SRFBP1: variants seen among roughly 807,000 people sequenced by gnomAD.
The protein encoded by SRFBP1 is serum response factor-binding protein 1.
Under a neutral mutation model 45.5 loss-of-function variants are expected in SRFBP1, and 47 were observed. That is an observed-to-expected ratio of 1.03 (90% CI 0.82 to 1.32). The LOEUF (loss-of-function observed/expected upper bound fraction) is 1.32, where lower values mean the gene tolerates loss of function less well. Among genes scored for constraint, SRFBP1 ranks in the 40% most tolerant of loss-of-function variants. The pLI, the probability that SRFBP1 is intolerant of heterozygous loss-of-function variation, is 0.00. For missense variants in SRFBP1, 621 were observed against 484.6 expected (o/e 1.28, Z -2.64); for synonymous variants, 203 against 166.3 (o/e 1.22, Z -1.70).
At chr5:122,077,731 C>G, downstream of SRFBP1, 1 of 1,577,000 alleles carries the variant, frequency 6.3e-7, no homozygotes, top group Non-Finnish European at 8.6e-7. This position sits in a 1 kb window ranked among gnomAD's most constrained non-coding sequence, Gnocchi z 4.9. Context: ...TGCGGGGCTG[C>G]TGGGCGGAGG....
chr5:121,962,127 A>T, intron 1 of SRFBP1, 59 bp downstream of exon 1: 2 of 1,605,794 alleles, frequency 1.2e-6, no homozygotes, highest in Non-Finnish European at 1.7e-6. Context: ...AGCTCTTTTG[A>T]GACGCGTGGT....
intron 3 of SRFBP1, among the ~76,000 whole-genome samples, chr5:121,975,946 G>A (rs1752294133): frequency 6.6e-6 from 1 of 151,474 alleles, no homozygotes; most frequent in South Asian, 2.1e-4. Context: ...CTTACTTTGA[G>A]GAAACTTTCA....
intron 2 of SRFBP1, among the ~76,000 whole-genome samples, chr5:122,046,091 C>T (rs1169820925): frequency 6.6e-6 from 1 of 151,974 alleles, no homozygotes; most frequent in Admixed American, 6.6e-5. Flanking sequence ...TACATGTGCA[C>T]AACATGCAGG....
At chr5:122,004,553 C>G (rs1752940751) in intron 4 of SRFBP1, among the ~76,000 whole-genome samples, 1 of 151,734 alleles carries the variant, frequency 6.6e-6, no homozygotes, top group Non-Finnish European at 1.5e-5. Flanking sequence ...TTATTTGAGT[C>G]TTCTCATTTT....
At position 122,022,403 on chromosome 5, in the gene SRFBP1, C is replaced by G. The variant is rs1753376782; in HGVS notation, c.1101C>G (p.Ser367=). 6.2e-7 allele frequency: 1 copy of G among 1,610,942 alleles called. No individual in the cohort carries two copies. Among genetic ancestry groups the G allele is most frequent in the African/African-American group, 1.3e-5 (1 of 74,788 alleles). ...NFKEQAPKTR[S]LDFPQNEPQI... is the part of the protein sequence containing the mutation. ...AAGAACAGGCTCCAAAAACAAGATC[C>G]CTAGGTATGTATTCATAGTTGCCTG... The change falls in exon 7 of 8, where the codon TCC becomes TCG. Residue 367 remains serine, a synonymous_variant. Coordinates refer to ENST00000339397, the MANE Select transcript of SRFBP1 (RefSeq NM_152546.3).
intron 2 of SRFBP1, among the ~76,000 whole-genome samples, chr5:122,039,335 G>A (rs1753737847): frequency 6.6e-6 from 1 of 152,132 alleles, no homozygotes; most frequent in Non-Finnish European, 1.5e-5. Flanking sequence ...GTAACTGGAT[G>A]GAACTTTGAA....
At chr5:122,066,383 C>G (rs184683502) in intron 2 of SRFBP1, 1 of 202,060 alleles carries the variant, frequency 4.9e-6, no homozygotes, top group Admixed American at 5.6e-5. Context: ...AGTTTCAGTT[C>G]AAAGTCATTT....
At chr5:122,021,547 G>C (rs574937884) in intron 6 of SRFBP1, among the ~76,000 whole-genome samples, 1 of 151,922 alleles carries the variant, frequency 6.6e-6, no homozygotes, top group African/African-American at 2.4e-5. Flanking sequence ...ACATAAAAAC[G>C]TGTGGAGTGT....
chr5:121,994,625 A>G lies in SRFBP1; in HGVS notation c.225A>G (p.Lys75=), dbSNP rs755273251. 6 of 1,598,606 alleles carry G rather than the reference A, an allele frequency of 3.8e-6. No homozygotes were observed. The highest frequency in any genetic ancestry group is 5.1e-6 in the Non-Finnish European group (6 of 1,173,776). The change falls in exon 4 of 8, where the codon AAA becomes AAG. Residue 75 remains lysine (K), a synonymous_variant. Coordinates refer to ENST00000339397, the MANE Select transcript of SRFBP1 (RefSeq NM_152546.3). ...MKELKPDIVT[K]SALGDDINFE... ...AATTGAAACCTGACATAGTAACTAA[A>G]TCTGCTCTTGGTGATGATATCAACT...
At chr5:121,966,882 C>T (rs908291043) in intron 1 of SRFBP1, among the ~76,000 whole-genome samples, 5 of 151,264 alleles carry the variant, frequency 3.3e-5, no homozygotes, top group Non-Finnish European at 5.9e-5. Context: ...TGGGTTCACG[C>T]CATTCTTCTG....
At chr5:122,059,059 T>C (rs1486058895) in intron 2 of SRFBP1, among the ~76,000 whole-genome samples, 1 of 152,108 alleles carries the variant, frequency 6.6e-6, no homozygotes, top group East Asian at 1.9e-4. Flanking sequence ...TCCCCTGTAG[T>C]TAAATTGTGA....
chr5:122,038,794 T>C (rs1363932692), intron 2 of SRFBP1, among the ~76,000 whole-genome samples: 2 of 152,216 alleles, frequency 1.3e-5, no homozygotes, highest in Admixed American at 6.5e-5. Context: ...TTTGCCTGTT[T>C]TTGGTGCCAA....
intron 2 of SRFBP1, chr5:122,066,449 A>C (rs1230509390): frequency 2.9e-6 from 1 of 341,364 alleles, no homozygotes; most frequent in Non-Finnish European, 5.4e-6. Context: ...CAAAAGGAAC[A>C]TGAGAAATTT....
chr5:121,999,535 A>G (rs949506072), intron 4 of SRFBP1, among the ~76,000 whole-genome samples: 2 of 152,072 alleles, frequency 1.3e-5, no homozygotes, highest in Non-Finnish European at 1.5e-5. Flanking sequence ...ATTAAGAGGT[A>G]CGTTGGAACC....
intron 2 of SRFBP1, among the ~76,000 whole-genome samples, chr5:122,036,019 T>C (rs1328340413): frequency 2.0e-5 from 3 of 152,148 alleles, no homozygotes; most frequent in African/African-American, 7.2e-5. Flanking sequence ...GTTTTCCCCA[T>C]AGGACTTGGG....
chr5:122,018,547 G>GA (rs1325499336), intron 4 of SRFBP1, among the ~76,000 whole-genome samples: 1 of 152,126 alleles, frequency 6.6e-6, no homozygotes, highest in African/African-American at 2.4e-5. Context: ...GATTTGTGAG[G>GA]AAAAATCAAA....
rs75660156 is a variant in SRFBP1 at position 122,037,712 on chromosome 5, G to A, written n.311+15305G>A. On this transcript the variant is annotated intron_variant and non_coding_transcript_variant, in intron 2 of 2. Coordinates refer to the SRFBP1 transcript ENST00000504881. ...TTTGGTAGAGATGGAGCCTCACCAC[G>A]TTGCCACGTCGCCCAGGCTGATCTC... Among the ~76,000 whole-genome samples, 734 of 151,302 alleles carry A rather than the reference G, an allele frequency of 4.9e-3. 14 individuals are homozygous for A. Among genetic ancestry groups the A allele is most frequent in the African/African-American group, 0.017 (702 of 41,186 alleles).
chr5:122,069,918 T>TAC, intron 2 of SRFBP1: 2 of 752,532 alleles, frequency 2.7e-6, no homozygotes, highest in Middle Eastern at 5.9e-4. Flanking sequence ...TCAGACTGCA[T>TAC]ACCATTTTCT....
intron 3 of SRFBP1, among the ~76,000 whole-genome samples, chr5:121,982,134 A>G (rs531105758): frequency 3.3e-5 from 5 of 152,094 alleles, no homozygotes; most frequent in African/African-American, 1.2e-4. Context: ...CATTTTATAC[A>G]GTCACCTTAG....
Sources: gnomAD v4.1 joint callset for allele counts (sites outside exome capture counted in the v4.1 genomes callset) on GRCh38, gnomAD v4.1.1 for gene constraint, Gnocchi (gnomAD v3.1) non-coding constraint, MANE v1.5 for transcripts, NCBI Gene and HGNC (gene_info 2026-07-23, HGNC 2026-07-21) for gene names.